The following TMTC1 variants were observed in gnomAD, a reference collection of about 807,000 sequenced individuals.
TMTC1 encodes transmembrane O-mannosyltransferase targeting cadherins 1, also known as protein O-mannosyl-transferase TMTC1.
TMTC1 carries 73 observed loss-of-function variants against 104.8 expected under a neutral mutation model. The observed-to-expected ratio is 0.70, with a 90% CI of 0.58 to 0.85. The LOEUF (loss-of-function observed/expected upper bound fraction) is 0.85. TMTC1 is among the 40% of genes least tolerant of loss of function. The probability of loss-of-function intolerance (pLI) is 0.00; values close to 1 mark genes in which losing one functional copy is unlikely to be tolerated. For synonymous variants in TMTC1, 434 were observed against 428.7 expected (o/e 1.01, Z -0.15); for missense variants, 1,035 against 1,096.1 (o/e 0.94, Z 0.79).
intron 7 of TMTC1, among the ~76,000 whole-genome samples, chr12:29,590,480 C>G (rs553404094): frequency 8.5e-5 from 13 of 152,186 alleles, no homozygotes; most frequent in South Asian, 2.1e-4. Context: ...CCCTGTCCCC[C>G]CTTTGCCTTT....
At chr12:29,578,889 A>G (rs926226396) in intron 8 of TMTC1, among the ~76,000 whole-genome samples, 2 of 152,210 alleles carry the variant, frequency 1.3e-5, no homozygotes, top group African/African-American at 2.4e-5. Context: ...AGATTTTATA[A>G]TGCCACACAC....
chr12:29,761,394 A>G (rs933303726), intron 2 of TMTC1, among the ~76,000 whole-genome samples: 1 of 152,056 alleles, frequency 6.6e-6, no homozygotes, highest in African/African-American at 2.4e-5. Context: ...GATAAAACAA[A>G]TGTGAGAAAA....
At chr12:29,666,142 A>G (rs1940267540) in intron 5 of TMTC1, 1 of 429,342 alleles carries the variant, frequency 2.3e-6, no homozygotes, top group South Asian at 1.7e-5. Context: ...TTTAACACAT[A>G]TAGCAAGATG....
At chr12:29,685,127 C>T (rs1345189840) in intron 5 of TMTC1, among the ~76,000 whole-genome samples, 1 of 151,782 alleles carries the variant, frequency 6.6e-6, no homozygotes, top group Non-Finnish European at 1.5e-5. Context: ...TGATTTATTT[C>T]AACTCTAAGG....
In TMTC1 at chr12:29,517,288, C is replaced by G. The variant is rs1036757277; in HGVS notation, c.2169+139G>C. 3.4e-6 allele frequency: 3 copies of G among 882,424 alleles called. No homozygotes were observed. The African/African-American group carries it at 5.0e-5, about 15-fold the overall frequency. The allele number at this position is 882,424 out of a possible 1,614,324, so 54.7% of individuals were successfully genotyped here. A position where few individuals can be genotyped will look rare whatever the true frequency, so the allele number is the denominator to read the frequency against. On this transcript the variant is annotated intron_variant, in intron 14 of 17. Transcript: ENST00000539277. ...GTGTCCATGTCTTTAGAGAATGGCT[C>G]TAACATTAGCTGTATGAATATTCAT...
chr12:29,615,757 C>G (rs546787924), intron 6 of TMTC1, among the ~76,000 whole-genome samples: 168 of 152,232 alleles, frequency 1.1e-3, no homozygotes, highest in Middle Eastern at 0.01. Flanking sequence ...TTGTTGAAAA[C>G]TATAAAAGGA....
intron 1 of TMTC1, among the ~76,000 whole-genome samples, chr12:29,772,239 G>C (rs1348031651): frequency 6.6e-6 from 1 of 152,172 alleles, no homozygotes; most frequent in Non-Finnish European, 1.5e-5. Flanking sequence ...GGCCTACACG[G>C]CTGCATGGAA....
intron 7 of TMTC1, among the ~76,000 whole-genome samples, chr12:29,585,237 T>C (rs1245673401): frequency 2.0e-5 from 3 of 152,252 alleles, no homozygotes; most frequent in Non-Finnish European, 2.9e-5. Context: ...ATAAATGTCT[T>C]CTTTTGAGAA....
chr12:29,652,853 G>A (rs1939586271), intron 5 of TMTC1, among the ~76,000 whole-genome samples: 1 of 152,146 alleles, frequency 6.6e-6, no homozygotes, highest in Admixed American at 6.5e-5. Flanking sequence ...CCTGAGGTCA[G>A]GAGTTCAACA....
intron 5 of TMTC1, among the ~76,000 whole-genome samples, chr12:29,700,490 G>A (rs920519258): frequency 2.6e-5 from 4 of 151,930 alleles, no homozygotes; most frequent in Admixed American, 1.3e-4. Context: ...ATGAGCCACC[G>A]CACCAGGCCT....
chr12:29,603,713 G>T (rs917268005), intron 7 of TMTC1, among the ~76,000 whole-genome samples: 1 of 152,044 alleles, frequency 6.6e-6, no homozygotes, highest in Admixed American at 6.5e-5. Flanking sequence ...TTAAATCATT[G>T]TTCTTTTCCC....
At chr12:29,590,278 C>T (rs1435863204) in intron 7 of TMTC1, among the ~76,000 whole-genome samples, 1 of 152,142 alleles carries the variant, frequency 6.6e-6, no homozygotes, top group Non-Finnish European at 1.5e-5. Context: ...TCCTATTCCG[C>T]TCTTTGAGCT....
intron 3 of TMTC1, among the ~76,000 whole-genome samples, chr12:29,758,307 A>G (rs1005283086): frequency 3.3e-5 from 5 of 152,226 alleles, no homozygotes; most frequent in African/African-American, 1.2e-4. Flanking sequence ...TGGTGAGGCT[A>G]AGAGAAAAAG....
chr12:29,600,008 A>ATATATATATATATATATATT (rs59108744), intron 7 of TMTC1, among the ~76,000 whole-genome samples: 2 of 118,686 alleles, frequency 1.7e-5, no homozygotes, highest in African/African-American at 7.7e-5. Flanking sequence ...ATATATATAT[A>ATATATATATATATATATATT]TTTTTTTTTT....
At chr12:29,707,070 T>C (rs944820307) in intron 5 of TMTC1, among the ~76,000 whole-genome samples, 1 of 152,168 alleles carries the variant, frequency 6.6e-6, no homozygotes, top group Admixed American at 6.5e-5. Context: ...CAGTCAGACC[T>C]GATGGCAATC....
At chr12:29,683,581 A>G (rs1450164295) in intron 5 of TMTC1, among the ~76,000 whole-genome samples, 1 of 152,202 alleles carries the variant, frequency 6.6e-6, no homozygotes, top group African/African-American at 2.4e-5. Flanking sequence ...AACATAAATA[A>G]ACACTAAATC....
chr12:29,702,630 C>T (rs1463126978), intron 5 of TMTC1, among the ~76,000 whole-genome samples: 4 of 152,138 alleles, frequency 2.6e-5, no homozygotes, highest in Admixed American at 2.6e-4. Flanking sequence ...CATCACTAAG[C>T]GCAGTGCACA....
intron 5 of TMTC1, among the ~76,000 whole-genome samples, chr12:29,705,119 G>A (rs762709935): frequency 1.3e-5 from 2 of 152,180 alleles, no homozygotes; most frequent in Non-Finnish European, 2.9e-5. Context: ...GCTGATGGGA[G>A]TTCAGAGCAG....
intron 5 of TMTC1, among the ~76,000 whole-genome samples, chr12:29,701,334 A>C (rs1941589059): frequency 6.6e-6 from 1 of 152,080 alleles, no homozygotes; most frequent in African/African-American, 2.4e-5. Context: ...CTTAGGCTAC[A>C]CTCACGAGGG....
Sources: allele counts gnomAD v4.1 joint callset (sites outside exome capture counted in the v4.1 genomes callset), GRCh38; gene constraint gnomAD v4.1.1; transcripts MANE v1.5; gene names NCBI Gene and HGNC (gene_info 2026-07-23, HGNC 2026-07-21).